Variants in SOX5 observed in about 807,000 individuals in gnomAD.
SOX5 encodes the protein SRY-box transcription factor 5, also known as transcription factor SOX-5.
Under a neutral mutation model 92.0 loss-of-function variants are expected in SOX5, and 9 were observed. The observed-to-expected ratio is 0.10, with a 90% confidence interval of 0.06 to 0.17. The LOEUF (loss-of-function observed/expected upper bound fraction) is 0.17, where lower values mean the gene tolerates loss of function less well. Ranked by LOEUF, SOX5 falls within the 10% of genes least tolerant of loss-of-function variation. The pLI is 1.00. For synonymous variants in SOX5, 344 were observed against 336.3 expected (o/e 1.02, Z -0.25); for missense variants, 642 against 944.5 (o/e 0.68, Z 4.20).
chr12:23,575,881 G>A, intron 9 of SOX5, 43 bp from the exon 10 acceptor site: 2 of 1,457,728 alleles, frequency 1.4e-6, no homozygotes, highest in Non-Finnish European at 1.8e-6. Flanking sequence ...AGGAAAGGCT[G>A]ATAAAAAATG....
intron 4 of SOX5, among the ~76,000 whole-genome samples, chr12:24,065,280 G>GGA (rs1940474232): frequency 6.6e-6 from 1 of 152,144 alleles, no homozygotes; most frequent in Non-Finnish European, 1.5e-5. Context: ...GAAAATTGCA[G>GGA]GAGAGAGGCA....
rs1033342948 is a variant in SOX5, at chr12:23,756,612, G to T, written c.482-888C>A. Among the ~76,000 whole-genome samples, 4 of 151,916 alleles carry T rather than the reference G, an allele frequency of 2.6e-5. No individual in the cohort carries two copies. The East Asian group carries it at 7.7e-4, about 29-fold the overall frequency. ...ACAATGGCTTTCAATCCCGTGATTA[G>T]CGCAGCATTCACTTAGAAGATGGAA... On this transcript the variant is annotated intron_variant, in intron 3 of 14. Coordinates refer to ENST00000451604, the MANE Select transcript of SOX5 (RefSeq NM_006940.6).
At chr12:23,775,966 G>A (rs1462012846) in intron 3 of SOX5, among the ~76,000 whole-genome samples, 2 of 152,182 alleles carry the variant, frequency 1.3e-5, no homozygotes, top group Non-Finnish European at 2.9e-5. Flanking sequence ...GGGGAGGGGA[G>A]TGGGGAACGA....
In SOX5 at chr12:23,743,301, T is replaced by C. The variant is rs572123827; in HGVS notation, c.569-2262A>G. ...CTAAGTGGTGGAATTATAGGTCATT[T>C]TAATTTTTTTCTTTTTTCTTTTTTT... On this transcript the variant is annotated intron_variant, in intron 4 of 14. Transcript: ENST00000451604. Among the ~76,000 whole-genome samples the C allele has an allele frequency of 2.0e-5, 3 of 152,142 alleles. No homozygotes were observed. The South Asian group carries it at 6.2e-4, about 32-fold the overall frequency.
intron 2 of SOX5, among the ~76,000 whole-genome samples, chr12:24,305,446 T>C (rs1318744153): frequency 6.6e-6 from 1 of 152,212 alleles, no homozygotes; most frequent in East Asian, 1.9e-4. Context: ...AAATGAGTTT[T>C]GCCTTTAAAT....
At chr12:24,404,820 T>C (rs1962545220) in intron 1 of SOX5, among the ~76,000 whole-genome samples, 1 of 152,114 alleles carries the variant, frequency 6.6e-6, no homozygotes, top group Admixed American at 6.6e-5. Context: ...AACCCCAGGA[T>C]CTCAGAATGT....
At chr12:23,951,327 C>A (rs1945594754), upstream of SOX5, among the ~76,000 whole-genome samples, 1 of 151,918 alleles carries the variant, frequency 6.6e-6, no homozygotes, top group African/African-American at 2.4e-5. Context: ...TCCTCCCCCC[C>A]AACCCCCTCC....
chr12:23,803,546 C>T (rs560935678), intron 3 of SOX5, among the ~76,000 whole-genome samples: 88 of 152,262 alleles, frequency 5.8e-4, no homozygotes, highest in Non-Finnish European at 1.2e-3. Flanking sequence ...ATTGCCCTAC[C>T]TTTGATCCAT....
intron 6 of SOX5, among the ~76,000 whole-genome samples, chr12:23,700,136 G>A (rs115139347): frequency 8.7e-4 from 132 of 152,220 alleles, no homozygotes; most frequent in African/African-American, 3.0e-3. Context: ...TGAAAAGAAT[G>A]TAGAGCAAAG....
At position 24,257,790 on chromosome 12, in the gene SOX5, C is replaced by G. The variant is rs143200858; in HGVS notation, c.-77+19426G>C. ...CCAAAGCTCCAGTTTTTATTTAAACCTCTTTCCAGCCTCCCACAGAAGGAT... is the reference window on the plus strand; with the variant it reads ...CCAAAGCTCCAGTTTTTATTTAAACGTCTTTCCAGCCTCCCACAGAAGGAT... On this transcript the variant is annotated intron_variant, in intron 3 of 4. Coordinates refer to the SOX5 transcript ENST00000446891. 8.8e-4 allele frequency among the ~76,000 whole-genome samples: 134 copies of G among 151,934 alleles called. 1 individual carries two copies. The highest frequency in any genetic ancestry group is 3.1e-3 in the African/African-American group (129 of 41,460).
intron 1 of SOX5, among the ~76,000 whole-genome samples, chr12:23,911,945 T>C (rs1323794164): frequency 1.3e-5 from 2 of 152,086 alleles, no homozygotes; most frequent in African/African-American, 4.8e-5. Flanking sequence ...ACAAAACAGA[T>C]ACATTGGACT....
chr12:24,263,103 G>C (rs1942416155), intron 3 of SOX5, among the ~76,000 whole-genome samples: 1 of 152,038 alleles, frequency 6.6e-6, no homozygotes, highest in Non-Finnish European at 1.5e-5. Context: ...GCGGGTGCCT[G>C]TAGCCCCAGC....
chr12:23,851,731 G>A (rs192588403), intron 2 of SOX5, among the ~76,000 whole-genome samples: 1 of 152,000 alleles, frequency 6.6e-6, no homozygotes, highest in Admixed American at 6.5e-5. Context: ...CCGAGAGAGA[G>A]AGCTTATCAC....
intron 1 of SOX5, among the ~76,000 whole-genome samples, chr12:24,545,860 C>T (rs968339165): frequency 3.3e-5 from 5 of 152,182 alleles, no homozygotes; most frequent in African/African-American, 1.2e-4. Flanking sequence ...GGCTCTGGGT[C>T]TCCGTTCAGA....
At chr12:23,901,124 T>A (rs1485622422) in intron 1 of SOX5, among the ~76,000 whole-genome samples, 3 of 152,074 alleles carry the variant, frequency 2.0e-5, no homozygotes, top group Admixed American at 6.6e-5. Context: ...TGTTGGTGGG[T>A]CCAAAGAAAT....
At chr12:24,314,670 C>T (rs573749539) in intron 2 of SOX5, among the ~76,000 whole-genome samples, 1 of 152,290 alleles carries the variant, frequency 6.6e-6, no homozygotes, top group East Asian at 1.9e-4. Flanking sequence ...CCTAAATAAT[C>T]TGGCCTCCAA....
At chr12:23,873,745 C>T (rs2096899037) in intron 2 of SOX5, among the ~76,000 whole-genome samples, 1 of 152,068 alleles carries the variant, frequency 6.6e-6, no homozygotes, top group South Asian at 2.1e-4. Flanking sequence ...TAGGAGACTA[C>T]AGGTAAAGAA....
chr12:23,754,810 A>G (rs143372835), intron 4 of SOX5, among the ~76,000 whole-genome samples: 134 of 151,980 alleles, frequency 8.8e-4, no homozygotes, highest in Middle Eastern at 3.4e-3. Flanking sequence ...TTCTACATGT[A>G]TAATAATATA....
At position 23,618,789 on chromosome 12, in the gene SOX5, A is replaced by G. The variant is rs998175928; in HGVS notation, c.1018-14256T>C. ...TGAAATTCTTCTGTGATGTAATGCT[A>G]CTATGGGAAAACACTTTCCAGATAA... On this transcript the variant is annotated intron_variant, in intron 8 of 14. Transcript: ENST00000451604. 4.6e-5 allele frequency among the ~76,000 whole-genome samples: 7 copies of G among 152,200 alleles called. No homozygotes were observed. In the East Asian group the frequency reaches 1.3e-3, roughly 29 times the overall value.
Sources: allele counts gnomAD v4.1 joint callset (sites outside exome capture counted in the v4.1 genomes callset), GRCh38; gene constraint gnomAD v4.1.1; transcripts MANE v1.5; gene names NCBI Gene and HGNC (gene_info 2026-07-23, HGNC 2026-07-21).